The following LRIG2 variants were observed in gnomAD, a reference collection of about 807,000 sequenced individuals.
LRIG2 encodes leucine-rich repeats and immunoglobulin-like domains protein 2.
A neutral mutation model predicts 107.8 loss-of-function variants in LRIG2; 93 were observed. The observed-to-expected ratio is 0.86, with a 90% confidence interval of 0.73 to 1.03. The LOEUF is 1.03. Among genes scored for constraint, LRIG2 ranks in the 50% least tolerant of loss-of-function variants. The pLI is 0.00. For synonymous variants in LRIG2, 471 were observed against 470.6 expected, an observed-to-expected ratio of 1.00 and a Z score of -0.01; for missense variants, 1,226 against 1,296.0, an observed-to-expected ratio of 0.95 and a Z score of 0.83.
intron 1 of LRIG2, among the ~76,000 whole-genome samples, chr1:113,089,119 TG>T (rs1452922122): frequency 2.0e-5 from 3 of 152,218 alleles, no homozygotes; most frequent in African/African-American, 7.2e-5. Flanking sequence ...GAGAACAAAT[TG>T]TTCTAATGTG....
At position 113,095,760 on chromosome 1, in the gene LRIG2, T is replaced by C; in HGVS notation, c.804-114T>C. On this transcript the variant is annotated intron_variant, in intron 6 of 17. Transcript: ENST00000361127. ...TTTTTATTGAATAGAATTGGTCAGC[T>C]CAGTTGGGTTGAACAAAGGTATATG... 9 of 964,000 alleles carry C rather than the reference T, an allele frequency of 9.3e-6. No individual in the cohort carries two copies. The South Asian group carries it at 1.3e-4, about 14-fold the overall frequency. The allele number at this position is 964,000 out of a possible 1,614,324, so 59.7% of individuals were successfully genotyped here.
chr1:113,091,075 T>C (rs114241140), intron 1 of LRIG2, among the ~76,000 whole-genome samples: 1 of 151,864 alleles, frequency 6.6e-6, no homozygotes, highest in East Asian at 2.0e-4. Flanking sequence ...ACTCCTGACC[T>C]CAGGTGATCT....
At chr1:113,115,571 A>G (rs1366428477) in intron 15 of LRIG2, among the ~76,000 whole-genome samples, 1 of 149,290 alleles carries the variant, frequency 6.7e-6, no homozygotes, top group Non-Finnish European at 1.5e-5. Context: ...CTCTGTTGCC[A>G]GGCTGGAGTG....
intron 15 of LRIG2, 107 bp downstream of exon 15, chr1:113,114,983 C>A (rs1570768998): frequency 1.1e-6 from 1 of 941,032 alleles, no homozygotes; most frequent in Non-Finnish European, 1.6e-6. Context: ...GTAGCACATG[C>A]CTGTACTCCC....
chr1:113,090,084 A>AT (rs1653735810), intron 1 of LRIG2, among the ~76,000 whole-genome samples: 1 of 152,064 alleles, frequency 6.6e-6, no homozygotes, highest in Non-Finnish European at 1.5e-5. Flanking sequence ...GACTTGTGAA[A>AT]TATGTCTTCA....
rs769222837 is a variant in LRIG2, at chr1:113,124,078, C to A, written c.3175C>A (p.Gln1059Lys). ...TGATTTTAGTAGGACTCGGAACATTCAAGATGGTAGTGAGGGCACATGAAA... is the reference window on the plus strand; with the variant it reads ...TGATTTTAGTAGGACTCGGAACATTAAAGATGGTAGTGAGGGCACATGAAA... Reference protein sequence around the residue: ...AFDFSRTRNIQDGSEGT With the variant: ...AFDFSRTRNIKDGSEGT The change falls in exon 18 of 18, where the codon CAA becomes AAA. Residue 1059 changes from glutamine (Q) to lysine (K), a missense_variant. Gln to Lys is a moderately conservative substitution (Grantham distance 53). Coordinates refer to ENST00000361127, the MANE Select transcript of LRIG2 (RefSeq NM_014813.3). 6.2e-7 allele frequency: 1 copy of A among 1,614,010 alleles called. No homozygotes were observed. Among genetic ancestry groups the A allele is most frequent in the African/African-American group, 1.3e-5 (1 of 74,906 alleles).
chr1:113,085,015 C>T (rs752442116), intron 1 of LRIG2, among the ~76,000 whole-genome samples: 8 of 152,258 alleles, frequency 5.3e-5, no homozygotes, highest in Admixed American at 3.9e-4. Context: ...TCATGTTTGG[C>T]GGAAAAACCT....
rs780244918 is a variant in LRIG2, at chr1:113,124,127, CAG to C, written c.*30_*31del. The C allele has an allele frequency of 1.9e-6, 3 of 1,593,290 alleles. No individual in the cohort carries two copies. In the East Asian group the frequency reaches 6.7e-5, roughly 36 times the overall value. ...AACTCACTTCAGGATGAAATCTGGGCAGAGACTTATTAATTAATTTTGCATTT... is the reference window on the plus strand; with the variant it reads ...AACTCACTTCAGGATGAAATCTGGGCAGACTTATTAATTAATTTTGCATTT... On this transcript the variant is annotated 3_prime_UTR_variant, in exon 18 of 18. Coordinates refer to ENST00000361127, the MANE Select transcript of LRIG2 (RefSeq NM_014813.3).
chr1:113,077,043 T>A (rs2101011573), intron 1 of LRIG2, among the ~76,000 whole-genome samples: 1 of 152,336 alleles, frequency 6.6e-6, no homozygotes, highest in East Asian at 1.9e-4. Flanking sequence ...GAAGTATGTA[T>A]TTTTAGGGTT....
intron 16 of LRIG2, among the ~76,000 whole-genome samples, chr1:113,117,546 C>T (rs1046234006): frequency 6.6e-6 from 1 of 152,104 alleles, no homozygotes; most frequent in Non-Finnish European, 1.5e-5. Context: ...TGCAGTGGCA[C>T]GATCTCAGCT....
chr1:113,081,068 C>T (rs1653259437), intron 1 of LRIG2, among the ~76,000 whole-genome samples: 1 of 151,880 alleles, frequency 6.6e-6, no homozygotes, highest in Admixed American at 6.6e-5. Context: ...GCCTCAAACT[C>T]CTGACCTCGT....
chr1:113,119,258 C>G lies in LRIG2; in HGVS notation c.2706C>G (p.Cys902Trp), dbSNP rs754301196. ...TDGGTGTRVI[C>W]SDCYDNANIY... ...GTGGCACTGGTACCCGGGTGATTTG[C>G]TCAGATTGTTATGACAATGCCAACA... is the stretch of plus-strand genomic sequence containing the variant. The change falls in exon 17 of 18, where the codon TGC becomes TGG. Residue 902 changes from cysteine to tryptophan, a missense_variant. By Grantham distance (215) the Cys-to-Trp change is radical (BLOSUM62 -2). Transcript: ENST00000361127. The G allele has an allele frequency of 6.2e-7, 1 of 1,613,484 alleles. No homozygotes were observed. Among genetic ancestry groups the G allele is most frequent in the African/African-American group, 1.3e-5 (1 of 75,018 alleles).
chr1:113,100,493 G>A lies in LRIG2; in HGVS notation c.1313+5G>A, dbSNP rs1194256699. On this transcript the variant is annotated splice_donor_5th_base_variant and intron_variant, in intron 11 of 17. Transcript: ENST00000361127. ...TCAGACTCATTTAAAAGAACTGTAA[G>A]TAACTTGTCTTTTTAAAATCACCAG... 6.8e-7 allele frequency: 1 copy of A among 1,468,590 alleles called. No individual in the cohort carries two copies. The highest frequency in any genetic ancestry group is 9.5e-7 in the Non-Finnish European group (1 of 1,057,896). 91.0% of individuals were successfully genotyped at this position (1,468,590 alleles called of 1,614,324 possible).
rs190420136 is a variant in LRIG2 at position 113,080,665 on chromosome 1, A to G, written c.239+7020A>G. On this transcript the variant is annotated intron_variant, in intron 1 of 17. Transcript: ENST00000361127. ...AGTGCTGGGATTACAGGCGTGAGCC[A>G]CTGTGCCCGGCCTGCTTCTGGTCTT... Among the ~76,000 whole-genome samples the G allele has an allele frequency of 4.4e-3, 668 of 152,270 alleles. 4 individuals are homozygous for G. The highest frequency in any genetic ancestry group is 0.014 in the Middle Eastern group (4 of 294).
intron 1 of LRIG2, among the ~76,000 whole-genome samples, chr1:113,077,233 C>T (rs899025938): frequency 4.0e-5 from 6 of 151,728 alleles, no homozygotes; most frequent in African/African-American, 7.3e-5. Context: ...CAACCTCTGT[C>T]GCCCGGGTTC....
At chr1:113,102,726 A>C (rs1354202703) in intron 11 of LRIG2, among the ~76,000 whole-genome samples, 1 of 152,200 alleles carries the variant, frequency 6.6e-6, no homozygotes, top group Non-Finnish European at 1.5e-5. Flanking sequence ...GAGGCAGATC[A>C]TAATAGACCA....
At chr1:113,074,529 T>C (rs17030971) in intron 1 of LRIG2, among the ~76,000 whole-genome samples, 4,383 of 152,248 alleles carry the variant, frequency 0.029, 212 homozygotes, top group African/African-American at 0.1. Context: ...ATGGGGCTTC[T>C]TAACCACTAA....
chr1:113,100,284 T>G lies in LRIG2; in HGVS notation c.1244+2T>G. The stretch of plus-strand genomic sequence containing the variant: ...TGGTCTTGAATCCCTTGAGCATCTG[T>G]AAGTATTTTGCATACATTTTGCTTA... On this transcript the variant is annotated splice_donor_variant, in intron 10 of 17. Coordinates refer to ENST00000361127, the MANE Select transcript of LRIG2 (RefSeq NM_014813.3). LOFTEE classifies it high-confidence loss of function. 1 of 1,585,098 alleles carries G rather than the reference T, an allele frequency of 6.3e-7. No individual in the cohort carries two copies. Among genetic ancestry groups the G allele is most frequent in the South Asian group, 1.1e-5 (1 of 87,992 alleles).
At chr1:113,086,608 A>G (rs762128546) in intron 1 of LRIG2, among the ~76,000 whole-genome samples, 11 of 152,156 alleles carry the variant, frequency 7.2e-5, no homozygotes, top group Non-Finnish European at 1.2e-4. Context: ...CTTTGTTGCA[A>G]TTAGCTTGCT....
Sources: gnomAD v4.1 joint callset for allele counts (sites outside exome capture counted in the v4.1 genomes callset) on GRCh38, gnomAD v4.1.1 for gene constraint, MANE v1.5 for transcripts, NCBI Gene and HGNC (gene_info 2026-07-23, HGNC 2026-07-21) for gene names.